Variants in TTC28 observed in about 807,000 individuals in gnomAD.
TTC28 encodes tetratricopeptide repeat domain 28.
TTC28 carries 61 observed loss-of-function variants against 198.0 expected under a neutral mutation model. The observed-to-expected ratio is 0.31, with a 90% CI of 0.25 to 0.38. The LOEUF (loss-of-function observed/expected upper bound fraction) is 0.38. Ranked by LOEUF, TTC28 falls within the 10% of genes least tolerant of loss-of-function variation. The pLI, the probability that TTC28 is intolerant of heterozygous loss-of-function variation, is 1.00. For missense variants in TTC28, 2,678 were observed against 3,164.0 expected (o/e 0.85, Z 3.69); for synonymous variants, 1,171 against 1,297.8 (o/e 0.90, Z 2.10).
chr22:28,084,698 A>T (rs1187164491), intron 12 of TTC28, among the ~76,000 whole-genome samples: 2 of 152,198 alleles, frequency 1.3e-5, no homozygotes, highest in Non-Finnish European at 2.9e-5. Context: ...AGGCTTCAGA[A>T]GATCAAACTG....
intron 2 of TTC28, among the ~76,000 whole-genome samples, chr22:28,316,060 T>C (rs1346305223): frequency 1.3e-5 from 2 of 152,180 alleles, no homozygotes; most frequent in Non-Finnish European, 2.9e-5. Flanking sequence ...TTAATGCGCA[T>C]GTGGGCCCTA....
At chr22:28,155,326 T>C (rs1943727076) in intron 6 of TTC28, among the ~76,000 whole-genome samples, 2 of 152,236 alleles carry the variant, frequency 1.3e-5, no homozygotes, top group Non-Finnish European at 2.9e-5. Flanking sequence ...ATATAAGCTT[T>C]AACTCATTCA....
intron 1 of TTC28, among the ~76,000 whole-genome samples, chr22:28,632,840 A>T (rs1450293335): frequency 6.6e-6 from 1 of 151,814 alleles, no homozygotes; most frequent in Non-Finnish European, 1.5e-5. Flanking sequence ...AGAATTGCAG[A>T]GTAGGCTGGG....
chr22:28,540,865 A>G (rs183608025), intron 2 of TTC28, among the ~76,000 whole-genome samples: 48 of 152,318 alleles, frequency 3.2e-4, no homozygotes, highest in African/African-American at 1.1e-3. Flanking sequence ...ACTACACATA[A>G]GTCAATGGAC....
chr22:27,989,544 AAGAG>A (rs1345942147), intron 21 of TTC28, among the ~76,000 whole-genome samples: 5 of 152,022 alleles, frequency 3.3e-5, no homozygotes, highest in East Asian at 1.9e-4. Context: ...TTGGAAGAAA[AAGAG>A]AGATCCTCTG....
chr22:28,175,941 A>G (rs185252500), intron 5 of TTC28, among the ~76,000 whole-genome samples: 1 of 152,298 alleles, frequency 6.6e-6, no homozygotes, highest in East Asian at 1.9e-4. Context: ...GAGAAAAGGG[A>G]ATGCTTATTC....
chr22:28,043,242 CAAAAAAAAAAAAAA>C (rs11362041), intron 12 of TTC28, among the ~76,000 whole-genome samples: 2 of 65,568 alleles, frequency 3.1e-5, no homozygotes, highest in East Asian at 4.4e-4. Flanking sequence ...GACTCCATCT[CAAAAAAAAAAAAAA>C]AAAAAAAAAA....
At chr22:28,347,950 C>A (rs542431417) in intron 2 of TTC28, among the ~76,000 whole-genome samples, 1 of 152,364 alleles carries the variant, frequency 6.6e-6, no homozygotes, top group Admixed American at 6.5e-5. Context: ...TTTGGCATCT[C>A]CCTTCAGACC....
At position 27,999,255 on chromosome 22, in the gene TTC28, G is replaced by C; in HGVS notation, c.4404C>G (p.His1468Gln). 2 of 1,547,748 alleles carry C rather than the reference G, an allele frequency of 1.3e-6. No homozygotes were observed. The highest frequency in any genetic ancestry group is 3.4e-4 in the Middle Eastern group (2 of 5,920). ...AGTATGTGGGCGGGTTCTTCCGTAA[G>C]TGAGACTAGGAGGGGAGGGGACAAA... The part of the protein sequence containing the change: ...IRSLSVQSKS[H>Q]LRKNPPTYSS... The change falls in exon 16 of 23, where the codon CAC (histidine) becomes CAG (glutamine). Residue 1468 changes from histidine to glutamine, a missense_variant. His to Gln is a conservative substitution (Grantham distance 24). Transcript: ENST00000397906.
intron 2 of TTC28, among the ~76,000 whole-genome samples, chr22:28,469,893 G>A (rs922930332): frequency 2.0e-5 from 3 of 152,050 alleles, no homozygotes; most frequent in African/African-American, 7.3e-5. Flanking sequence ...GGAGTGCAGT[G>A]GTGTGATCAC....
intron 2 of TTC28, among the ~76,000 whole-genome samples, chr22:28,470,158 G>A (rs1459552779): frequency 1.3e-5 from 2 of 152,136 alleles, no homozygotes; most frequent in Non-Finnish European, 2.9e-5. Context: ...AATTTTAGAA[G>A]AATAAATCTA....
At chr22:28,148,395 CG>C (rs1673292054) in intron 6 of TTC28, among the ~76,000 whole-genome samples, 1 of 152,106 alleles carries the variant, frequency 6.6e-6, no homozygotes. Flanking sequence ...AGGCAGATCA[CG>C]AAGTCAGGAG....
chr22:28,542,485 T>A (rs1279351917), intron 2 of TTC28, among the ~76,000 whole-genome samples: 1 of 152,170 alleles, frequency 6.6e-6, no homozygotes, highest in Non-Finnish European at 1.5e-5. Context: ...ATCATGATAA[T>A]TGTTACCTAA....
intron 12 of TTC28, among the ~76,000 whole-genome samples, chr22:28,038,809 A>T (rs896797399): frequency 6.6e-6 from 1 of 152,256 alleles, no homozygotes; most frequent in African/African-American, 2.4e-5. Flanking sequence ...CAAAGAACTC[A>T]AACAAATTTA....
At chr22:28,569,819 T>C (rs1252537026) in intron 2 of TTC28, among the ~76,000 whole-genome samples, 2 of 152,152 alleles carry the variant, frequency 1.3e-5, no homozygotes, top group African/African-American at 2.4e-5. Flanking sequence ...CATCTAACAA[T>C]GGCCTAATGT....
At chr22:28,460,738 C>T (rs1184194967) in intron 2 of TTC28, among the ~76,000 whole-genome samples, 1 of 152,078 alleles carries the variant, frequency 6.6e-6, no homozygotes, top group East Asian at 1.9e-4. Flanking sequence ...GGCTGCAGTG[C>T]AGTGGTGCAA....
At chr22:28,138,731 T>C (rs751023431) in intron 6 of TTC28, among the ~76,000 whole-genome samples, 2 of 152,202 alleles carry the variant, frequency 1.3e-5, no homozygotes, top group Non-Finnish European at 2.9e-5. Flanking sequence ...TGTGCCCCTC[T>C]GACTCCACAG....
At chr22:28,241,024 G>A (rs1352438072) in intron 5 of TTC28, among the ~76,000 whole-genome samples, 1 of 152,042 alleles carries the variant, frequency 6.6e-6, no homozygotes, top group Non-Finnish European at 1.5e-5. Context: ...AATGCACAAA[G>A]TCTAGTCTCA....
intron 2 of TTC28, among the ~76,000 whole-genome samples, chr22:28,406,287 T>C (rs909948319): frequency 6.6e-6 from 1 of 152,222 alleles, no homozygotes; most frequent in African/African-American, 2.4e-5. Context: ...ATAGCAATAA[T>C]CCCACAGTAA....
Sources: gnomAD v4.1 joint callset for allele counts (sites outside exome capture counted in the v4.1 genomes callset) on GRCh38, gnomAD v4.1.1 for gene constraint, MANE v1.5 for transcripts, NCBI Gene and HGNC (gene_info 2026-07-23, HGNC 2026-07-21) for gene names.